GPM6A: variants seen among roughly 807,000 people sequenced by gnomAD.
The protein encoded by GPM6A is glycoprotein M6A, also known as neuronal membrane glycoprotein M6-a.
In GPM6A, 7 loss-of-function variants were observed where a neutral mutation model predicts 32.1. The observed-to-expected ratio is 0.22, with a 90% CI of 0.12 to 0.41. The LOEUF (loss-of-function observed/expected upper bound fraction) is 0.41. Among genes scored for constraint, GPM6A ranks in the 10% least tolerant of loss-of-function variants. The pLI is 1.00. For missense variants in GPM6A, 235 were observed against 347.2 expected, an observed-to-expected ratio of 0.68 and a Z score of 2.57; for synonymous variants, 130 against 123.4, an observed-to-expected ratio of 1.05 and a Z score of -0.35.
At chr4:175,874,728 C>T (rs1737027010) in intron 1 of GPM6A, among the ~76,000 whole-genome samples, 2 of 151,866 alleles carry the variant, frequency 1.3e-5, no homozygotes, top group South Asian at 2.1e-4. Context: ...ATAGAATTTC[C>T]AGAAAGGTAG....
chr4:175,637,650 A>T (rs1579325517), intron 6 of GPM6A, among the ~76,000 whole-genome samples: 2 of 460 alleles, frequency 4.3e-3, no homozygotes, highest in Non-Finnish European at 0.022. Context: ...ATATTATATA[A>T]AATATAAAAT....
intron 1 of GPM6A, among the ~76,000 whole-genome samples, chr4:175,877,663 T>G (rs1737128236): frequency 6.6e-6 from 1 of 152,170 alleles, no homozygotes; most frequent in South Asian, 2.1e-4. Flanking sequence ...GGTCCCACCC[T>G]TGACACATGG....
At chr4:175,940,752 G>A (rs556852161) in intron 1 of GPM6A, among the ~76,000 whole-genome samples, 10 of 152,056 alleles carry the variant, frequency 6.6e-5, no homozygotes, top group Non-Finnish European at 1.5e-4. Flanking sequence ...GGGATTACAG[G>A]CACATGCCAC....
rs543376883 is a variant in GPM6A, at chr4:175,965,892, G to A, written c.-23+36417C>T. On this transcript the variant is annotated intron_variant, in intron 1 of 7. Transcript: ENST00000280187. The stretch of plus-strand genomic sequence containing the variant: ...CTCCCAAAGTGCTGGGATTACAGGC[G>A]TGAGCCACCACGCCTGGCCAAGAGG... Among the ~76,000 whole-genome samples the A allele has an allele frequency of 1.1e-4, 16 of 152,210 alleles. No individual in the cohort carries two copies. In the East Asian group the frequency reaches 2.3e-3, roughly 22 times the overall value.
chr4:175,889,422 G>C (rs534353655), intron 1 of GPM6A, among the ~76,000 whole-genome samples: 2 of 152,092 alleles, frequency 1.3e-5, no homozygotes, highest in Admixed American at 1.3e-4. Context: ...ATACTCTGGA[G>C]GCTACGGCAG....
At chr4:175,922,273 T>C (rs1738693979) in intron 1 of GPM6A, among the ~76,000 whole-genome samples, 1 of 152,214 alleles carries the variant, frequency 6.6e-6, no homozygotes, top group East Asian at 1.9e-4. Flanking sequence ...CACATAATGA[T>C]ACCCAAATGT....
intron 1 of GPM6A, among the ~76,000 whole-genome samples, chr4:175,727,797 A>G (rs1438207399): frequency 6.6e-6 from 1 of 152,120 alleles, no homozygotes; most frequent in Non-Finnish European, 1.5e-5. Context: ...TGAGGTCAGG[A>G]GTTTGCGACC....
chr4:175,739,831 T>C (rs1731807897), intron 1 of GPM6A, among the ~76,000 whole-genome samples: 2 of 152,204 alleles, frequency 1.3e-5, no homozygotes, highest in East Asian at 1.9e-4. Flanking sequence ...GCTTTATCTA[T>C]TAAGAAGTTA....
chr4:175,707,815 G>C (rs547159701), intron 1 of GPM6A, among the ~76,000 whole-genome samples: 13 of 151,718 alleles, frequency 8.6e-5, no homozygotes, highest in Non-Finnish European at 1.6e-4. Flanking sequence ...TGATGCTTGC[G>C]GTTGTTTTAT....
At chr4:175,800,651 T>C (rs1734436308) in intron 1 of GPM6A, 1 of 154,758 alleles carries the variant, frequency 6.5e-6, no homozygotes, top group South Asian at 1.8e-4. Flanking sequence ...ACCCATTCAA[T>C]GAAGGCTTCT....
chr4:175,916,918 G>C (rs1015255292), intron 1 of GPM6A, among the ~76,000 whole-genome samples: 1 of 152,168 alleles, frequency 6.6e-6, no homozygotes, highest in Non-Finnish European at 1.5e-5. Flanking sequence ...TCACATAAAA[G>C]AGAATTTTTA....
intron 1 of GPM6A, chr4:175,808,853 A>G (rs1734801243): frequency 6.6e-6 from 1 of 152,212 alleles, no homozygotes; most frequent in East Asian, 1.9e-4. Flanking sequence ...TAAAATGTTC[A>G]TGTTCAGAAA....
At chr4:175,686,057 T>C (rs1364817226) in intron 2 of GPM6A, among the ~76,000 whole-genome samples, 1 of 152,190 alleles carries the variant, frequency 6.6e-6, no homozygotes, top group African/African-American at 2.4e-5. Flanking sequence ...ATTCTTCCCA[T>C]GGCAAAAAGC....
chr4:175,666,490 T>C (rs1218359065), intron 3 of GPM6A, among the ~76,000 whole-genome samples: 3 of 152,264 alleles, frequency 2.0e-5, no homozygotes, highest in Admixed American at 2.0e-4. Context: ...TTTCTGAAAA[T>C]AATTTTTCAA....
At chr4:175,697,083 A>C (rs1005324748) in intron 2 of GPM6A, among the ~76,000 whole-genome samples, 1 of 152,156 alleles carries the variant, frequency 6.6e-6, no homozygotes, top group Non-Finnish European at 1.5e-5. Flanking sequence ...TGAAAATAAA[A>C]TATTCACTCT....
In GPM6A at chr4:175,634,814, C is replaced by T. The variant is rs1740485100; in HGVS notation, c.*91G>A. The T allele has an allele frequency of 2.0e-6, 2 of 1,000,512 alleles. No individual in the cohort carries two copies. The highest frequency in any genetic ancestry group is 1.6e-5 in the African/African-American group (1 of 61,924). The allele number at this position is 1,000,512 out of a possible 1,614,324, so 62.0% of individuals were successfully genotyped here. A position where few individuals can be genotyped will look rare whatever the true frequency, so the allele number is the denominator to read the frequency against. On this transcript the variant is annotated 3_prime_UTR_variant, in exon 7 of 7. Transcript: ENST00000393658. ...CCTTACATATCATTGATGAGAAGCA[C>T]TTTCGTTTTGTTTTTTAAAGGTTGG...
At chr4:175,999,156 G>GGTCTCATAGTGATATACATGTA (rs1488154969) in intron 1 of GPM6A, among the ~76,000 whole-genome samples, 1 of 152,136 alleles carries the variant, frequency 6.6e-6, no homozygotes, top group South Asian at 2.1e-4. Flanking sequence ...AGTAATCAAT[G>GGTCTCATAGTGATATACATGTA]GTCTCATAGT....
At chr4:175,683,850 A>G (rs1184986490) in intron 2 of GPM6A, among the ~76,000 whole-genome samples, 1 of 149,416 alleles carries the variant, frequency 6.7e-6, no homozygotes, top group Non-Finnish European at 1.5e-5. Context: ...TTTTTTTTTG[A>G]GAAGGAGTTT....
intron 1 of GPM6A, among the ~76,000 whole-genome samples, chr4:175,879,356 A>T (rs928103055): frequency 1.3e-5 from 2 of 152,154 alleles, no homozygotes; most frequent in East Asian, 3.8e-4. Context: ...TCATACTGCT[A>T]TGAACAAATG....
Sources: gnomAD v4.1 joint callset for allele counts (sites outside exome capture counted in the v4.1 genomes callset) on GRCh38, gnomAD v4.1.1 for gene constraint, MANE v1.5 for transcripts, NCBI Gene and HGNC (gene_info 2026-07-23, HGNC 2026-07-21) for gene names.